The following PTPRM variants were observed in gnomAD, a reference collection of about 807,000 sequenced individuals.
PTPRM encodes receptor-type tyrosine-protein phosphatase mu.
Under a neutral mutation model 186.7 loss-of-function variants are expected in PTPRM, and 47 were observed. The ratio of observed to expected loss-of-function variants is 0.25; its 90% CI spans 0.20 to 0.32. The LOEUF (loss-of-function observed/expected upper bound fraction) is 0.32. PTPRM is among the 10% of genes least tolerant of loss of function. The pLI is 1.00. For missense variants in PTPRM, 1,494 were observed against 1,865.0 expected, an observed-to-expected ratio of 0.80 and a Z score of 3.66; for synonymous variants, 668 against 674.9, an observed-to-expected ratio of 0.99 and a Z score of 0.16.
chr18:7,813,660 A>T (rs965618184), intron 2 of PTPRM, among the ~76,000 whole-genome samples: 1 of 151,576 alleles, frequency 6.6e-6, no homozygotes, highest in African/African-American at 2.4e-5. Flanking sequence ...ATTTCTCTAT[A>T]TTCTTTTAAG....
intron 13 of PTPRM, among the ~76,000 whole-genome samples, chr18:8,136,398 A>G (rs17567916): frequency 0.098 from 14,867 of 152,300 alleles, 893 homozygotes; most frequent in Admixed American, 0.14. Context: ...AGGCTTTGAT[A>G]GATCATCTTC....
At chr18:8,153,334 G>T (rs1322088573) in intron 14 of PTPRM, among the ~76,000 whole-genome samples, 1 of 152,074 alleles carries the variant, frequency 6.6e-6, no homozygotes, top group Non-Finnish European at 1.5e-5. Context: ...ATTAATTCAT[G>T]ATTCTACCTG....
Position 7,801,306 on chromosome 18 carries a change from TTTC to T in PTPRM, c.196+27038_196+27040del, listed in dbSNP as rs1270677239. 5.3e-5 allele frequency among the ~76,000 whole-genome samples: 8 copies of T among 152,218 alleles called. No homozygotes were observed. In the South Asian group the frequency reaches 1.4e-3, roughly 28 times the overall value. On this transcript the variant is annotated intron_variant, in intron 2 of 32. Coordinates refer to ENST00000580170, the MANE Select transcript of PTPRM (RefSeq NM_001105244.2). ...CAATTTTTAAAAATTTATTGATTTT[TTTC>T]TTTACTTTTTAAACATTTTTGTTAA...
chr18:7,994,592 C>T (rs1483701005), intron 7 of PTPRM, among the ~76,000 whole-genome samples: 1 of 152,012 alleles, frequency 6.6e-6, no homozygotes, highest in Admixed American at 6.6e-5. Context: ...AAACATACTT[C>T]CATAAATATA....
At chr18:7,807,739 G>A (rs905024822) in intron 2 of PTPRM, among the ~76,000 whole-genome samples, 3 of 152,198 alleles carry the variant, frequency 2.0e-5, no homozygotes, top group African/African-American at 4.8e-5. Flanking sequence ...GGATCATGAC[G>A]TGATGTGTGC....
At chr18:8,022,866 T>C (rs2085319538) in intron 7 of PTPRM, among the ~76,000 whole-genome samples, 1 of 152,194 alleles carries the variant, frequency 6.6e-6, no homozygotes, top group South Asian at 2.1e-4. Context: ...GATTTTAAAA[T>C]GTTTGGCAAA....
chr18:7,766,356 G>A (rs945502248), intron 1 of PTPRM, among the ~76,000 whole-genome samples: 38 of 152,360 alleles, frequency 2.5e-4, no homozygotes, highest in African/African-American at 8.7e-4. Flanking sequence ...TACAAGCTAA[G>A]GAGAGCATTG....
chr18:7,798,869 C>T (rs1488073458), intron 2 of PTPRM, among the ~76,000 whole-genome samples: 3 of 152,092 alleles, frequency 2.0e-5, no homozygotes, highest in Non-Finnish European at 4.4e-5. Context: ...AAACATATAC[C>T]TATATGTATT....
intron 24 of PTPRM, among the ~76,000 whole-genome samples, chr18:8,372,540 G>A (rs1036572489): frequency 6.6e-6 from 1 of 152,126 alleles, no homozygotes; most frequent in Non-Finnish European, 1.5e-5. Flanking sequence ...CACAAAGCTG[G>A]AAAGACTTTA....
chr18:7,972,396 G>A (rs1377891999), intron 7 of PTPRM, among the ~76,000 whole-genome samples: 2 of 118,052 alleles, frequency 1.7e-5, no homozygotes, highest in Non-Finnish European at 3.2e-5. Context: ...CACCAGCATG[G>A]CACATGTATA....
At chr18:8,346,405 G>A (rs545382603) in intron 23 of PTPRM, among the ~76,000 whole-genome samples, 42 of 152,262 alleles carry the variant, frequency 2.8e-4, no homozygotes, top group African/African-American at 9.4e-4. Context: ...GCAACCTCAC[G>A]TGTCAGAGAG....
chr18:8,233,413 C>T (rs2094310225), intron 14 of PTPRM, among the ~76,000 whole-genome samples: 1 of 152,202 alleles, frequency 6.6e-6, no homozygotes. Flanking sequence ...TTCCTTATAA[C>T]ATATGGTGCA....
chr18:8,198,591 G>A (rs1474869620), intron 14 of PTPRM, among the ~76,000 whole-genome samples: 1 of 152,182 alleles, frequency 6.6e-6, no homozygotes, highest in South Asian at 2.1e-4. Context: ...GCTCCTGCTT[G>A]TGCTCCACTG....
chr18:7,933,935 G>A (rs1437026949), intron 5 of PTPRM, among the ~76,000 whole-genome samples: 2 of 152,124 alleles, frequency 1.3e-5, no homozygotes, highest in Non-Finnish European at 2.9e-5. Flanking sequence ...AGCAAATATG[G>A]TCAATATATC....
intron 7 of PTPRM, among the ~76,000 whole-genome samples, chr18:8,043,367 C>T (rs1000787451): frequency 6.6e-6 from 1 of 152,092 alleles, no homozygotes; most frequent in Non-Finnish European, 1.5e-5. Flanking sequence ...TAGTCTGCTG[C>T]CCAGACAGGC....
chr18:7,683,183 T>G (rs1252729534), intron 1 of PTPRM, among the ~76,000 whole-genome samples: 1 of 140,926 alleles, frequency 7.1e-6, no homozygotes, highest in East Asian at 2.3e-4. Flanking sequence ...TTTTTTTTTT[T>G]GAGATGGGGT....
Position 7,739,605 on chromosome 18 carries a change from T to TATC in PTPRM, c.74-34544_74-34543insATC, listed in dbSNP as rs141349061. Among the ~76,000 whole-genome samples the TATC allele has an allele frequency of 5.2e-3, 786 of 152,100 alleles. 4 individuals are homozygous for TATC. The highest frequency in any genetic ancestry group is 0.017 in the African/African-American group (709 of 41,476). ...CTTCAACTTTAGGATAAATGGGGAG[T>TATC]GGATACAGCAGGCACCTTGGGAGTC... On this transcript the variant is annotated intron_variant, in intron 1 of 32. Coordinates refer to ENST00000580170, the MANE Select transcript of PTPRM (RefSeq NM_001105244.2).
intron 1 of PTPRM, among the ~76,000 whole-genome samples, chr18:7,641,242 T>C (rs1162413355): frequency 6.6e-6 from 1 of 152,180 alleles, no homozygotes; most frequent in African/African-American, 2.4e-5. Flanking sequence ...TAATTTGTCT[T>C]TAATATTAAA....
chr18:8,032,664 A>G (rs2086057551), intron 7 of PTPRM, among the ~76,000 whole-genome samples: 1 of 152,160 alleles, frequency 6.6e-6, no homozygotes, highest in South Asian at 2.1e-4. Flanking sequence ...AAATAAATTG[A>G]AACAGAAGCA....
Sources: allele counts gnomAD v4.1 joint callset (sites outside exome capture counted in the v4.1 genomes callset), GRCh38; gene constraint gnomAD v4.1.1; transcripts MANE v1.5; gene names NCBI Gene and HGNC (gene_info 2026-07-23, HGNC 2026-07-21).